Variants in PPP2R5D observed in about 807,000 individuals in gnomAD.
PPP2R5D encodes the protein serine/threonine-protein phosphatase 2A 56 kDa regulatory subunit delta isoform.
Under a neutral mutation model 79.1 loss-of-function variants are expected in PPP2R5D, and 12 were observed. The observed-to-expected ratio is 0.15, with a 90% CI of 0.10 to 0.25. The LOEUF is 0.25. PPP2R5D is among the 10% of genes least tolerant of loss of function. The pLI, the probability that PPP2R5D is intolerant of heterozygous loss-of-function variation, is 1.00. For missense variants in PPP2R5D, 419 were observed against 760.2 expected (o/e 0.55, Z 5.28); for synonymous variants, 277 against 286.6 (o/e 0.97, Z 0.34).
At chr6:43,005,746 C>T (rs1256612889) in intron 2 of PPP2R5D, among the ~76,000 whole-genome samples, 3 of 152,032 alleles carry the variant, frequency 2.0e-5, no homozygotes, top group Non-Finnish European at 4.4e-5. Context: ...CTCAGCCTCC[C>T]AAGTAGCTGG....
chr6:43,005,322 G>C (rs1319761149), intron 2 of PPP2R5D, among the ~76,000 whole-genome samples: 1 of 151,514 alleles, frequency 6.6e-6, no homozygotes, highest in East Asian at 1.9e-4. Context: ...TTGTTTTGTT[G>C]TTCAGGCTGG....
intron 2 of PPP2R5D, among the ~76,000 whole-genome samples, chr6:42,994,677 TGCCTGTAATCCCA>T (rs1157316016): frequency 1.2e-3 from 179 of 149,158 alleles, no homozygotes; most frequent in Admixed American, 5.1e-3. Flanking sequence ...TGGTGGGGCA[TGCCTGTAATCCCA>T]GCCTGTTATC....
chr6:42,985,939 G>A (rs1035094744), intron 1 of PPP2R5D, among the ~76,000 whole-genome samples: 1 of 151,910 alleles, frequency 6.6e-6, no homozygotes, highest in Non-Finnish European at 1.5e-5. Context: ...CACCACATCC[G>A]GCTAATTTTG....
chr6:42,991,123 A>G (rs944207556), intron 2 of PPP2R5D, among the ~76,000 whole-genome samples: 4 of 152,136 alleles, frequency 2.6e-5, no homozygotes, highest in African/African-American at 4.8e-5. Flanking sequence ...GGAAGGAGCT[A>G]TGTTATTCTG....
chr6:43,012,112 A>C lies in PPP2R5D; in HGVS notation c.*826A>C. 1 of 762,814 alleles carries C rather than the reference A, an allele frequency of 1.3e-6. No homozygotes were observed. Among genetic ancestry groups the C allele is most frequent in the Non-Finnish European group, 1.6e-6 (1 of 621,002 alleles). The allele number at this position is 762,814 out of a possible 1,614,324, so 47.3% of individuals were successfully genotyped here. ...GCATGGCTCCTGCCAACACCTATTT[A>C]TTTCCTTGTTTGTGCTATGCTGGGC... On this transcript the variant is annotated 3_prime_UTR_variant, in exon 16 of 16. Transcript: ENST00000485511.
chr6:43,011,278 G>A lies in PPP2R5D; in HGVS notation c.1801G>A (p.Ala601Thr). 1 of 1,613,862 alleles carries A rather than the reference G, an allele frequency of 6.2e-7. No individual in the cohort carries two copies. Among genetic ancestry groups the A allele is most frequent in the Non-Finnish European group, 8.5e-7 (1 of 1,179,966 alleles). The change falls in exon 16 of 16, where the codon GCT becomes ACT. Residue 601 changes from alanine to threonine, a missense_variant. Around this residue, in one of 5 missense-constraint regions of PPP2R5D, gnomAD observed 84 missense variants for 105.4 expected, o/e 0.80. Coordinates refer to ENST00000485511, the MANE Select transcript of PPP2R5D (RefSeq NM_006245.4). ...AEEFLTASQE[A>T]L is the part of the protein sequence containing the mutation. Reference sequence around the variant, plus strand: ...AGAGTTCCTAACTGCCAGCCAGGAGGCTCTCTGACCCCTCACGTTCCTACC... The same window carrying A: ...AGAGTTCCTAACTGCCAGCCAGGAGACTCTCTGACCCCTCACGTTCCTACC...
In PPP2R5D at chr6:43,009,618, T is replaced by C. The variant is rs1762251147; in HGVS notation, c.1379+169T>C. ...GCTGACTGGAGCGAAAAGATGCCTG[T>C]GTGCAAGATCTCTGTGATACCAAAC... On this transcript the variant is annotated intron_variant, in intron 12 of 15. Transcript: ENST00000485511. The surrounding 1 kb of genome is among the most constrained non-coding windows in gnomAD (Gnocchi z 5.6). 6.6e-6 allele frequency among the ~76,000 whole-genome samples: 1 copy of C among 152,174 alleles called. No homozygotes were observed. Among genetic ancestry groups the C allele is most frequent in the Admixed American group, 6.5e-5 (1 of 15,272 alleles).
intron 2 of PPP2R5D, among the ~76,000 whole-genome samples, chr6:42,992,744 T>C (rs1209569402): frequency 5.3e-5 from 8 of 151,484 alleles, no homozygotes. Flanking sequence ...ATCGCTTGAG[T>C]CCAGGAGTTC....
At chr6:42,989,041 TC>T (rs1337269252) in intron 1 of PPP2R5D, among the ~76,000 whole-genome samples, 1 of 152,236 alleles carries the variant, frequency 6.6e-6, no homozygotes, top group Non-Finnish European at 1.5e-5. Flanking sequence ...ACTGAGGTGC[TC>T]TTGGCATTTT....
At position 43,008,739 on chromosome 6, in the gene PPP2R5D, C is replaced by G; in HGVS notation, c.1073C>G (p.Thr358Ser). The G allele has an allele frequency of 6.2e-7, 1 of 1,614,092 alleles. No homozygotes were observed. The highest frequency in any genetic ancestry group is 8.5e-7 in the Non-Finnish European group (1 of 1,179,944). The change falls in exon 10 of 16, where the codon ACT becomes AGT. Residue 358 changes from threonine to serine, a missense_variant. Thr to Ser is a moderately conservative substitution (Grantham distance 58, BLOSUM62 1). This residue lies in a region of PPP2R5D where 196 missense variants were observed against 424.5 expected (regional missense o/e 0.46). Transcript: ENST00000485511. The surrounding 1 kb of genome is among the most constrained non-coding windows in gnomAD (Gnocchi z 4.2). ...TTCCTGGAGAAGGAGAGCAGTCTGA[C>G]TGAGCCGGTAATTCCCCTTCCGGGC... ...VQFLEKESSL[T>S]EPVIVGLLKF...
At chr6:42,993,174 G>A (rs1401013453) in intron 2 of PPP2R5D, among the ~76,000 whole-genome samples, 1 of 152,054 alleles carries the variant, frequency 6.6e-6, no homozygotes, top group Non-Finnish European at 1.5e-5. Context: ...GCACATGCCT[G>A]TAATCCCAGC....
chr6:43,012,341 A>G lies in PPP2R5D; in HGVS notation c.*1055A>G, dbSNP rs1762392022. 3 of 1,474,810 alleles carry G rather than the reference A, an allele frequency of 2.0e-6. No individual in the cohort carries two copies. Among genetic ancestry groups the G allele is most frequent in the Non-Finnish European group, 2.7e-6 (3 of 1,112,800 alleles). The allele number at this position is 1,474,810 out of a possible 1,614,324, so 91.4% of individuals were successfully genotyped here. ...GAACTGAATAAAGTGGGTCTCTGAG[A>G]AGTCTGATGTGCCTTGATGTGGAAA... is the stretch of plus-strand genomic sequence containing the variant. On this transcript the variant is annotated 3_prime_UTR_variant, in exon 16 of 16. Transcript: ENST00000485511.
chr6:42,997,550 C>T (rs963750499), intron 2 of PPP2R5D, among the ~76,000 whole-genome samples: 1 of 151,546 alleles, frequency 6.6e-6, no homozygotes, highest in Non-Finnish European at 1.5e-5. Context: ...GCTCTTGTTG[C>T]CCAGGCTGGA....
rs1226113951 is a variant in PPP2R5D at position 43,006,517 on chromosome 6, T to C, written c.160T>C (p.Ser54Pro). ...GCCCCAAGCCCAGTCTCAGCCACCGTCATCCAACAAGCGTCCCAGCAATAG... is the reference window on the plus strand; with the variant it reads ...GCCCCAAGCCCAGTCTCAGCCACCGCCATCCAACAAGCGTCCCAGCAATAG... The part of the protein sequence containing the change: ...PQPQAQSQPP[S>P]SNKRPSNSTP... The change falls in exon 3 of 16, where the codon TCA becomes CCA. Residue 54 changes from serine (S) to proline (P), a missense_variant. Around this residue, in one of 5 missense-constraint regions of PPP2R5D, gnomAD observed 110 missense variants for 147.6 expected, o/e 0.75. Transcript: ENST00000485511. The surrounding 1 kb of genome is among the most constrained non-coding windows in gnomAD (Gnocchi z 4.7). 1.9e-6 allele frequency: 3 copies of C among 1,613,790 alleles called. No individual in the cohort carries two copies. In the African/African-American group the frequency reaches 4.0e-5, roughly 22 times the overall value.
chr6:43,003,519 T>C (rs1299583212), intron 2 of PPP2R5D, among the ~76,000 whole-genome samples: 1 of 152,134 alleles, frequency 6.6e-6, no homozygotes, highest in Non-Finnish European at 1.5e-5. Flanking sequence ...ACAATGGAAG[T>C]AAGGCAGAAA....
In PPP2R5D at chr6:43,008,503, C is replaced by T. The variant is rs1200293847; in HGVS notation, c.1026+28C>T. ...GAGCTGCCTTCCTCCTTATAATGTC[C>T]AACTCAGGCAGCAGAGAAAAGAGCC... is the stretch of plus-strand genomic sequence containing the variant. On this transcript the variant is annotated intron_variant, in intron 9 of 15. Transcript: ENST00000485511. This position sits in a 1 kb window ranked among gnomAD's most constrained non-coding sequence, Gnocchi z 4.2. 1.3e-6 allele frequency: 2 copies of T among 1,570,802 alleles called. No homozygotes were observed. The highest frequency in any genetic ancestry group is 3.3e-5 in the Admixed American group (2 of 59,896).
chr6:42,989,251 AC>A (rs1257166089), intron 1 of PPP2R5D, among the ~76,000 whole-genome samples: 2 of 152,150 alleles, frequency 1.3e-5, no homozygotes, highest in Non-Finnish European at 2.9e-5. Flanking sequence ...TTAGCCAGAA[AC>A]CAGTGAGCAG....
At chr6:42,999,361 C>T (rs1432965308) in intron 2 of PPP2R5D, among the ~76,000 whole-genome samples, 1 of 152,178 alleles carries the variant, frequency 6.6e-6, no homozygotes, top group Non-Finnish European at 1.5e-5. Context: ...CTGGCAGAAA[C>T]AGCTGTCTCT....
chr6:42,997,004 T>C (rs972390956), intron 2 of PPP2R5D, among the ~76,000 whole-genome samples: 1 of 152,010 alleles, frequency 6.6e-6, no homozygotes, highest in African/African-American at 2.4e-5. Context: ...TATCTCTTTG[T>C]TTTTTTATGT....
Sources: allele counts gnomAD v4.1 joint callset (sites outside exome capture counted in the v4.1 genomes callset), GRCh38; gene constraint gnomAD v4.1.1; regional missense constraint gnomAD v4.1.1; non-coding constraint Gnocchi (gnomAD v3.1); transcripts MANE v1.5; gene names NCBI Gene and HGNC (gene_info 2026-07-23, HGNC 2026-07-21).